The following UBE2D3 variants were observed in gnomAD, a reference collection of about 807,000 sequenced individuals.
UBE2D3 encodes the protein ubiquitin-conjugating enzyme E2 D3.
UBE2D3 carries 2 observed loss-of-function variants against 22.8 expected under a neutral mutation model. The ratio of observed to expected loss-of-function variants is 0.09; its 90% CI spans 0.04 to 0.28. The LOEUF (loss-of-function observed/expected upper bound fraction) is 0.28, where lower values mean the gene tolerates loss of function less well. Among genes scored for constraint, UBE2D3 ranks in the 10% least tolerant of loss-of-function variants. The pLI is 1.00. For missense variants in UBE2D3, 27 were observed against 182.5 expected, an observed-to-expected ratio of 0.15 and a Z score of 4.91; for synonymous variants, 56 against 60.4, an observed-to-expected ratio of 0.93 and a Z score of 0.34.
chr4:102,852,239 C>G (rs1732396044), intron 1 of UBE2D3, among the ~76,000 whole-genome samples: 1 of 152,188 alleles, frequency 6.6e-6, no homozygotes, highest in Admixed American at 6.5e-5. Context: ...GATTAAAAAG[C>G]TAAAAGTAGC....
intron 1 of UBE2D3, among the ~76,000 whole-genome samples, chr4:102,841,488 T>C (rs185420296): frequency 6.6e-6 from 1 of 152,224 alleles, no homozygotes; most frequent in Non-Finnish European, 1.5e-5. Context: ...AGATTCAGTA[T>C]AATGGAGTCA....
At chr4:102,813,656 G>A (rs1323988889) in intron 2 of UBE2D3, among the ~76,000 whole-genome samples, 1 of 152,134 alleles carries the variant, frequency 6.6e-6, no homozygotes, top group African/African-American at 2.4e-5. Context: ...CATTCAACTT[G>A]GTGAGAGCAC....
chr4:102,863,282 G>A (rs112267706), intron 1 of UBE2D3, among the ~76,000 whole-genome samples: 9 of 151,732 alleles, frequency 5.9e-5, no homozygotes, highest in East Asian at 2.0e-4. Flanking sequence ...AACTCCTGAC[G>A]TCAGGTGAGC....
intron 7 of UBE2D3, chr4:102,798,945 T>C (rs1725686458): frequency 1.2e-6 from 2 of 1,612,016 alleles, no homozygotes; most frequent in Non-Finnish European, 1.7e-6. Flanking sequence ...CATAGCGTAT[T>C]TCTCTGTCCA....
upstream of UBE2D3, chr4:102,827,560 C>T: frequency 1.0e-6 from 1 of 986,846 alleles, no homozygotes; most frequent in Non-Finnish European, 1.2e-6. Context: ...CTACTGCCAG[C>T]TGCCACGCTC....
upstream of UBE2D3, chr4:102,868,889 C>T (rs952146037): frequency 1.4e-5 from 20 of 1,479,612 alleles, no homozygotes; most frequent in African/African-American, 1.7e-4. Flanking sequence ...CCTCGGCAGT[C>T]CGCCGCGAGC....
chr4:102,855,345 C>T (rs1287434629), intron 1 of UBE2D3, among the ~76,000 whole-genome samples: 1 of 152,150 alleles, frequency 6.6e-6, no homozygotes, highest in Non-Finnish European at 1.5e-5. Flanking sequence ...TGATCACTAT[C>T]AAACACAACA....
intron 1 of UBE2D3, among the ~76,000 whole-genome samples, chr4:102,854,987 A>C (rs527585543): frequency 1.2e-4 from 19 of 152,326 alleles, no homozygotes; most frequent in Admixed American, 4.6e-4. Context: ...GGGTCTGTTG[A>C]AGTGAGTTGC....
At chr4:102,844,539 A>T (rs1206430073) in intron 1 of UBE2D3, among the ~76,000 whole-genome samples, 1 of 152,202 alleles carries the variant, frequency 6.6e-6, no homozygotes, top group East Asian at 1.9e-4. Context: ...TAAAAGATAC[A>T]TATTACCACT....
At chr4:102,827,626 C>G (rs1730793293), upstream of UBE2D3, 2 of 986,878 alleles carry the variant, frequency 2.0e-6, no homozygotes, top group African/African-American at 1.7e-5. Context: ...GCCAACGCCG[C>G]CGTCCCGAGC....
chr4:102,856,715 T>C (rs998881572), intron 1 of UBE2D3, among the ~76,000 whole-genome samples: 3 of 152,182 alleles, frequency 2.0e-5, no homozygotes, highest in African/African-American at 4.8e-5. Flanking sequence ...GTTCTATGTA[T>C]AATCAAATAC....
intron 1 of UBE2D3, among the ~76,000 whole-genome samples, chr4:102,853,236 G>A (rs1006059287): frequency 7.1e-6 from 1 of 140,276 alleles, no homozygotes; most frequent in Non-Finnish European, 1.5e-5. Context: ...TCCGCCTCCC[G>A]GGTTCACGCC....
intron 2 of UBE2D3, among the ~76,000 whole-genome samples, chr4:102,815,846 A>C (rs1188003844): frequency 6.6e-6 from 1 of 152,214 alleles, no homozygotes. Context: ...TTTAACAATC[A>C]AAACAAAGGT....
At position 102,848,207 on chromosome 4, in the gene UBE2D3, A is replaced by G. The variant is rs1201474944; in HGVS notation, c.-129+20508T>C. On this transcript the variant is annotated intron_variant, in intron 1 of 7. Transcript: ENST00000338145. Reference sequence around the variant, plus strand: ...CACTTGATTTCATGTTGTTACTGGTAATCCTAATACAACTGCAAACTGGCT... The same window carrying G: ...CACTTGATTTCATGTTGTTACTGGTGATCCTAATACAACTGCAAACTGGCT... 3.3e-5 allele frequency among the ~76,000 whole-genome samples: 5 copies of G among 152,288 alleles called. No homozygotes were observed. In the East Asian group the frequency reaches 9.7e-4, roughly 29 times the overall value.
intron 4 of UBE2D3, among the ~76,000 whole-genome samples, chr4:102,804,857 T>C (rs1451453965): frequency 6.6e-6 from 1 of 152,096 alleles, no homozygotes; most frequent in African/African-American, 2.4e-5. Context: ...TTTGTCTTTT[T>C]AGTAGAGACG....
At chr4:102,840,092 G>A (rs1731660304) in intron 1 of UBE2D3, among the ~76,000 whole-genome samples, 1 of 152,158 alleles carries the variant, frequency 6.6e-6, no homozygotes, top group South Asian at 2.1e-4. Flanking sequence ...CTATGACAGA[G>A]TGGTTATTAC....
chr4:102,849,540 TAAG>T (rs1235567982), intron 1 of UBE2D3, among the ~76,000 whole-genome samples: 4 of 152,002 alleles, frequency 2.6e-5, no homozygotes, highest in African/African-American at 7.2e-5. Flanking sequence ...TAAAAATCAG[TAAG>T]AAAAAGAATG....
intron 4 of UBE2D3, among the ~76,000 whole-genome samples, chr4:102,808,856 A>G (rs1446441096): frequency 6.6e-6 from 1 of 152,130 alleles, no homozygotes; most frequent in Non-Finnish European, 1.5e-5. Context: ...TACTAACTCT[A>G]AGAGCATTTT....
chr4:102,843,801 A>T (rs1248963205), intron 1 of UBE2D3: 2 of 152,168 alleles, frequency 1.3e-5, no homozygotes, highest in Non-Finnish European at 2.9e-5. Context: ...TACTCTGATA[A>T]ATCAGTGTGA....
Sources: allele counts gnomAD v4.1 joint callset (sites outside exome capture counted in the v4.1 genomes callset), GRCh38; gene constraint gnomAD v4.1.1; transcripts MANE v1.5; gene names NCBI Gene and HGNC (gene_info 2026-07-23, HGNC 2026-07-21).